The following CDK17 variants were observed in gnomAD, a reference collection of about 807,000 sequenced individuals.
CDK17 encodes the protein cyclin dependent kinase 17.
CDK17 carries 24 observed loss-of-function variants against 77.6 expected under a neutral mutation model. The observed-to-expected ratio is 0.31, with a 90% confidence interval of 0.22 to 0.44. The LOEUF is 0.44. Among genes scored for constraint, CDK17 ranks in the 20% least tolerant of loss-of-function variants. The pLI is 1.00. For synonymous variants in CDK17, 203 were observed against 210.4 expected (o/e 0.96, Z 0.30); for missense variants, 429 against 622.5 (o/e 0.69, Z 3.31).
chr12:96,295,226 C>T (rs553387713), intron 9 of CDK17, 104 bp from the exon 10 acceptor site: 2 of 837,972 alleles, frequency 2.4e-6, no homozygotes, highest in Admixed American at 2.7e-5. Context: ...AACATTGTAA[C>T]AGGAAAAAGA....
chr12:96,295,356 A>G (rs938575948), intron 9 of CDK17: 20 of 273,306 alleles, frequency 7.3e-5, no homozygotes, highest in Non-Finnish European at 1.4e-4. Context: ...AACAGTATCT[A>G]TGGAAATATT....
intron 3 of CDK17, among the ~76,000 whole-genome samples, chr12:96,315,228 G>A (rs1224414339): frequency 6.6e-6 from 1 of 152,142 alleles, no homozygotes. Context: ...CATGAGGACT[G>A]CTTAGATTAA....
intron 11 of CDK17, 102 bp from the exon 12 acceptor site, chr12:96,286,863 C>T: frequency 2.4e-6 from 2 of 841,456 alleles, no homozygotes; most frequent in Non-Finnish European, 3.8e-6. Flanking sequence ...TTTGCACTAG[C>T]CTGTCGGAAA....
rs71097274 is a variant in CDK17 at position 96,294,611 on chromosome 12, A to AAAAAAAAAAAAAAAAAAT, written c.997+387_997+388insATTTTTTTTTTTTTTTTT. 3.8e-4 allele frequency among the ~76,000 whole-genome samples: 46 copies of AAAAAAAAAAAAAAAAAAT among 121,312 alleles called. 6 individuals carry two copies. The highest frequency in any genetic ancestry group is 4.0e-3 in the Middle Eastern group (1 of 250). The allele number at this position is 121,312 out of a possible 152,430, so 79.6% of individuals were successfully genotyped here. On this transcript the variant is annotated intron_variant, in intron 10 of 16. Transcript: ENST00000261211. ...AAAAAAAAAAAAAAAAAAAAAAAAA[A>AAAAAAAAAAAAAAAAAAT]GATATATTTTGGTGCCACTACTTTG...
intron 3 of CDK17, among the ~76,000 whole-genome samples, chr12:96,317,355 C>A: frequency 9.2e-6 from 1 of 108,634 alleles, no homozygotes; most frequent in Non-Finnish European, 1.9e-5. Flanking sequence ...GAGAATGGAA[C>A]CAAGTTGGAA....
intron 5 of CDK17, among the ~76,000 whole-genome samples, chr12:96,305,430 T>C (rs1204468116): frequency 6.6e-6 from 1 of 152,178 alleles, no homozygotes; most frequent in Non-Finnish European, 1.5e-5. Flanking sequence ...GGTAACTGGG[T>C]ATGTGGTATA....
At chr12:96,352,390 G>C (rs1285771332) in intron 1 of CDK17, among the ~76,000 whole-genome samples, 3 of 150,048 alleles carry the variant, frequency 2.0e-5, no homozygotes, top group Admixed American at 1.3e-4. Flanking sequence ...GCTAGAGAGA[G>C]AGAAAAAAAA....
chr12:96,394,967 C>T (rs965643856), intron 1 of CDK17, among the ~76,000 whole-genome samples: 3 of 151,588 alleles, frequency 2.0e-5, no homozygotes, highest in Non-Finnish European at 2.9e-5. Flanking sequence ...CCTCTGCCTC[C>T]CAAGTTCAAG....
chr12:96,389,046 T>TA (rs2137240951), intron 1 of CDK17, among the ~76,000 whole-genome samples: 3 of 149,246 alleles, frequency 2.0e-5, no homozygotes, highest in Admixed American at 6.7e-5. Context: ...TTATTATTAT[T>TA]TTTTGAGACA....
intron 1 of CDK17, among the ~76,000 whole-genome samples, chr12:96,385,225 T>A (rs141845815): frequency 0.1 from 12,939 of 126,692 alleles, 756 homozygotes; most frequent in South Asian, 0.23. Flanking sequence ...GGCAGGAGAG[T>A]TGCTTGAACC....
intron 1 of CDK17, among the ~76,000 whole-genome samples, chr12:96,370,056 G>C (rs999110625): frequency 3.9e-5 from 6 of 152,144 alleles, no homozygotes; most frequent in Non-Finnish European, 8.8e-5. Flanking sequence ...AAAGAACGGA[G>C]GGCATTTTAA....
chr12:96,397,293 AT>A (rs60718626), intron 1 of CDK17, among the ~76,000 whole-genome samples: 4,598 of 147,986 alleles, frequency 0.031, 229 homozygotes, highest in African/African-American at 0.11. Context: ...TAAATTTTCT[AT>A]TTTTTTTTTT....
chr12:96,383,046 TGTAAACGACTTCA>T (rs1289485848), intron 1 of CDK17, among the ~76,000 whole-genome samples: 4 of 152,210 alleles, frequency 2.6e-5, no homozygotes, highest in East Asian at 1.9e-4. Flanking sequence ...CTCCTAGAAC[TGTAAACGACTTCA>T]GTAAAGGTTC....
intron 2 of CDK17, among the ~76,000 whole-genome samples, chr12:96,324,603 C>A (rs1009592539): frequency 6.6e-6 from 1 of 151,986 alleles, no homozygotes; most frequent in Admixed American, 6.6e-5. Flanking sequence ...TCCATCTCTA[C>A]TAAAAACACA....
chr12:96,334,167 G>A (rs1323367185), intron 2 of CDK17, among the ~76,000 whole-genome samples: 1 of 152,106 alleles, frequency 6.6e-6, no homozygotes, highest in Non-Finnish European at 1.5e-5. Context: ...GACATCCCTA[G>A]GGCTATTTCA....
At chr12:96,341,008 G>A (rs1241199632) in intron 1 of CDK17, among the ~76,000 whole-genome samples, 1 of 152,014 alleles carries the variant, frequency 6.6e-6, no homozygotes, top group Non-Finnish European at 1.5e-5. Context: ...TCACCCTCAA[G>A]TAGGCCCCGG....
chr12:96,292,982 T>C (rs989099288), intron 10 of CDK17, among the ~76,000 whole-genome samples: 2 of 152,198 alleles, frequency 1.3e-5, no homozygotes, highest in African/African-American at 4.8e-5. Context: ...TTTTATACTC[T>C]TGAAAATTAT....
At chr12:96,368,808 G>GC (rs1953637795) in intron 1 of CDK17, among the ~76,000 whole-genome samples, 2 of 6,850 alleles carry the variant, frequency 2.9e-4, no homozygotes, top group Non-Finnish European at 9.0e-4. Context: ...CTCTAAGACG[G>GC]GGGGGGGGGG....
At chr12:96,382,391 AG>A (rs1453708139) in intron 1 of CDK17, among the ~76,000 whole-genome samples, 11 of 151,994 alleles carry the variant, frequency 7.2e-5, no homozygotes, top group African/African-American at 2.4e-4. Flanking sequence ...AACCAAAAAA[AG>A]TCCAGGACCA....
Sources: gnomAD v4.1 joint callset for allele counts (sites outside exome capture counted in the v4.1 genomes callset) on GRCh38, gnomAD v4.1.1 for gene constraint, MANE v1.5 for transcripts, NCBI Gene and HGNC (gene_info 2026-07-23, HGNC 2026-07-21) for gene names.